The following NXNL2 variants were observed in gnomAD, a reference collection of about 807,000 sequenced individuals.
NXNL2 encodes nucleoredoxin-like protein 2.
NXNL2 carries 7 observed loss-of-function variants against 11.1 expected under a neutral mutation model. That is an observed-to-expected ratio of 0.63 (90% CI 0.36 to 1.18). The LOEUF (loss-of-function observed/expected upper bound fraction) is 1.18, where lower values mean the gene tolerates loss of function less well. Among genes scored for constraint, NXNL2 ranks in the 50% most tolerant of loss-of-function variants. The pLI is 0.02. For missense variants in NXNL2, 233 were observed against 217.7 expected (o/e 1.07, Z -0.44); for synonymous variants, 109 against 101.8 (o/e 1.07, Z -0.42).
At chr9:88,557,080 C>CAAA (rs150400954) in intron 1 of NXNL2, among the ~76,000 whole-genome samples, 95 of 55,480 alleles carry the variant, frequency 1.7e-3, no homozygotes, top group East Asian at 7.1e-3. Context: ...GACTCCATCT[C>CAAA]AAAAAAAAAA....
chr9:88,535,834 C>A (rs565008394), intron 1 of NXNL2, 98 bp downstream of exon 1: 163 of 912,102 alleles, frequency 1.8e-4, no homozygotes, highest in Admixed American at 9.7e-4. Flanking sequence ...TTATGACGCC[C>A]CCCCCCAACA....
downstream of NXNL2, among the ~76,000 whole-genome samples, chr9:88,547,991 G>C (rs1450044052): frequency 6.6e-6 from 1 of 151,320 alleles, no homozygotes. Flanking sequence ...ACTCCAGCCT[G>C]GGCAACAAAG....
At chr9:88,569,632 T>A (rs972457585) in intron 1 of NXNL2, among the ~76,000 whole-genome samples, 10 of 152,248 alleles carry the variant, frequency 6.6e-5, no homozygotes, top group Admixed American at 5.2e-4. Context: ...TAATATGCAC[T>A]TATTGTTATT....
chr9:88,549,681 T>A (rs1033300168), downstream of NXNL2, among the ~76,000 whole-genome samples: 1 of 152,154 alleles, frequency 6.6e-6, no homozygotes, highest in African/African-American at 2.4e-5. Context: ...TGGCTCATGG[T>A]TCTGCAGGCT....
intron 1 of NXNL2, among the ~76,000 whole-genome samples, chr9:88,558,417 T>C (rs769927826): frequency 1.3e-5 from 2 of 152,146 alleles, no homozygotes; most frequent in Non-Finnish European, 2.9e-5. Context: ...TCAGACATCC[T>C]TACATAATCT....
At chr9:88,570,600 G>A (rs1830246641) in intron 1 of NXNL2, among the ~76,000 whole-genome samples, 1 of 152,306 alleles carries the variant, frequency 6.6e-6, no homozygotes, top group African/African-American at 2.4e-5. Flanking sequence ...TCATAAGGCT[G>A]TTGGGGGAAT....
chr9:88,574,022 G>A (rs1183805089), intron 2 of NXNL2, among the ~76,000 whole-genome samples: 1 of 152,162 alleles, frequency 6.6e-6, no homozygotes, highest in African/African-American at 2.4e-5. Flanking sequence ...ATTCCTGCTG[G>A]GATTGTAACA....
At chr9:88,575,742 A>G (rs548735741) in exon 3 of NXNL2, 1 of 152,356 alleles carries the variant, frequency 6.6e-6, no homozygotes, top group South Asian at 2.1e-4. Context: ...ATTTAAAAAT[A>G]ACTATAATTG....
At chr9:88,567,057 A>C (rs1379191692) in intron 1 of NXNL2, among the ~76,000 whole-genome samples, 2 of 148,476 alleles carry the variant, frequency 1.3e-5, no homozygotes, top group Non-Finnish European at 2.9e-5. Context: ...ACAGACTGTG[A>C]CTTCTTTGAG....
intron 1 of NXNL2, among the ~76,000 whole-genome samples, chr9:88,563,658 G>C (rs1338195171): frequency 6.6e-6 from 1 of 152,096 alleles, no homozygotes; most frequent in Non-Finnish European, 1.5e-5. Context: ...TTAGACTAAA[G>C]TCCAGTCCTC....
chr9:88,537,376 C>T (rs1422026104), intron 1 of NXNL2, among the ~76,000 whole-genome samples: 1 of 152,150 alleles, frequency 6.6e-6, no homozygotes, highest in Non-Finnish European at 1.5e-5. Context: ...GGAGACTGCT[C>T]GTCTGTTTCT....
chr9:88,553,757 A>G (rs1254531340), intron 1 of NXNL2, among the ~76,000 whole-genome samples: 1 of 152,240 alleles, frequency 6.6e-6, no homozygotes, highest in African/African-American at 2.4e-5. Flanking sequence ...TTTACCTGGA[A>G]TAAATCCTCA....
chr9:88,545,009 C>A, downstream of NXNL2: 1 of 492,502 alleles, frequency 2.0e-6, no homozygotes, highest in Non-Finnish European at 2.6e-6. Context: ...CATTCCATTC[C>A]AGGTGCCAGT....
At chr9:88,537,642 G>A (rs944669508) in intron 1 of NXNL2, among the ~76,000 whole-genome samples, 3 of 152,190 alleles carry the variant, frequency 2.0e-5, no homozygotes, top group African/African-American at 7.2e-5. Flanking sequence ...ACGTCTACAG[G>A]ACCTTGGTGT....
At chr9:88,548,380 A>T (rs1829876228), downstream of NXNL2, among the ~76,000 whole-genome samples, 1 of 124,652 alleles carries the variant, frequency 8.0e-6, no homozygotes, top group Non-Finnish European at 1.6e-5. Flanking sequence ...AAAAAAAAAA[A>T]AAGCTGGGTG....
At chr9:88,558,711 C>G (rs774483333) in intron 1 of NXNL2, among the ~76,000 whole-genome samples, 1 of 152,040 alleles carries the variant, frequency 6.6e-6, no homozygotes, top group Non-Finnish European at 1.5e-5. Context: ...AAAATGGAAT[C>G]GAATTATAAG....
intron 1 of NXNL2, among the ~76,000 whole-genome samples, chr9:88,563,279 G>T (rs12682731): frequency 0.12 from 18,084 of 152,120 alleles, 2,594 homozygotes; most frequent in East Asian, 0.79. Flanking sequence ...TGCACTTGGC[G>T]ACTTTCTATT....
At chr9:88,550,617 G>T (rs887964475) in intron 1 of NXNL2, among the ~76,000 whole-genome samples, 1 of 152,220 alleles carries the variant, frequency 6.6e-6, no homozygotes, top group Non-Finnish European at 1.5e-5. Flanking sequence ...TTTCTGACTT[G>T]TTATTGGTTA....
At chr9:88,537,938 A>G (rs1402834288) in intron 1 of NXNL2, among the ~76,000 whole-genome samples, 1 of 152,214 alleles carries the variant, frequency 6.6e-6, no homozygotes, top group Non-Finnish European at 1.5e-5. Context: ...AGCAACAAGG[A>G]TGTGGCTGTG....
Sources: allele counts gnomAD v4.1 joint callset (sites outside exome capture counted in the v4.1 genomes callset), GRCh38; gene constraint gnomAD v4.1.1; transcripts MANE v1.5; gene names NCBI Gene and HGNC (gene_info 2026-07-23, HGNC 2026-07-21).